Variants in LOX observed in about 807,000 individuals in gnomAD.
LOX encodes the protein protein-lysine 6-oxidase.
LOX carries 12 observed loss-of-function variants against 50.5 expected under a neutral mutation model. The ratio of observed to expected loss-of-function variants is 0.24; its 90% confidence interval spans 0.15 to 0.38. The LOEUF (loss-of-function observed/expected upper bound fraction) is 0.38. Ranked by LOEUF, LOX falls within the 10% of genes least tolerant of loss-of-function variation. The pLI, the probability that LOX is intolerant of heterozygous loss-of-function variation, is 1.00. For synonymous variants in LOX, 254 were observed against 230.6 expected (o/e 1.10, Z -0.92); for missense variants, 504 against 563.8 (o/e 0.89, Z 1.07).
rs1754239213 is a variant in LOX at position 122,064,157 on chromosome 5, T to A, written c.*2586A>T. The A allele has an allele frequency of 6.6e-6, 1 of 151,996 alleles. No individual in the cohort carries two copies. Among genetic ancestry groups the A allele is most frequent in the African/African-American group, 2.4e-5 (1 of 41,424 alleles). The allele number at this position is 151,996 out of a possible 1,614,324, so 9.4% of individuals were successfully genotyped here. On this transcript the variant is annotated 3_prime_UTR_variant, in exon 7 of 7. Transcript: ENST00000231004. The stretch of plus-strand genomic sequence containing the variant: ...GTAAAAGCCAATCTCCTGTCAGTAC[T>A]CAACATTCTTTTTATCATTGCCAGT...
rs770682980 is a variant in LOX at position 122,070,165 on chromosome 5, T to C, written c.1135A>G (p.Ser379Gly). ...GGAACCAGGTAGCTGGGGTTTACAC[T>C]GACCTGGGCAACACAAAGAGTTCCT... ...VKPGNYILKV[S>G]VNPSYLVPES... Residue 379 changes from serine (S) to glycine (G), a missense_variant, in exon 6 of 7, where the codon AGT becomes GGT. Physicochemically the swap from Ser to Gly is moderately conservative, Grantham distance 56. Transcript: ENST00000231004. 4 of 1,561,992 alleles carry C rather than the reference T, an allele frequency of 2.6e-6. No homozygotes were observed. In the South Asian group the frequency reaches 4.4e-5, roughly 17 times the overall value.
rs1366079534 is a variant in LOX at position 122,064,743 on chromosome 5, TGTGA to T, written c.*1996_*1999del. ...CTTTTTTATGTCTCAATGCATACCA[TGTGA>T]GTACTTGGCATATATTAGGCCTTCA... On this transcript the variant is annotated 3_prime_UTR_variant, in exon 7 of 7. Coordinates refer to ENST00000231004, the MANE Select transcript of LOX (RefSeq NM_002317.7). 1 of 151,938 alleles carries T rather than the reference TGTGA, an allele frequency of 6.6e-6. No homozygotes were observed. Among genetic ancestry groups the T allele is most frequent in the Admixed American group, 6.6e-5 (1 of 15,222 alleles). 9.4% of individuals were successfully genotyped at this position (151,938 alleles called of 1,614,324 possible). A position where few individuals can be genotyped will look rare whatever the true frequency, so the allele number is the denominator to read the frequency against.
At chr5:122,070,425 T>C (rs1754415826) in intron 5 of LOX, 69 bp downstream of exon 5, 4 of 838,630 alleles carry the variant, frequency 4.8e-6, no homozygotes, top group African/African-American at 3.4e-5. Context: ...TTATTTAACA[T>C]TTGAATCCAG....
At chr5:122,066,777 A>G (rs1000495294) in intron 6 of LOX, 28 bp from the exon 7 acceptor site, 3 of 1,454,114 alleles carry the variant, frequency 2.1e-6, no homozygotes, top group African/African-American at 1.4e-5. Context: ...AATAAGACAA[A>G]TTATTAACCT....
intron 4 of LOX, 72 bp downstream of exon 4, chr5:122,073,941 A>T: frequency 7.3e-7 from 1 of 1,368,160 alleles, no homozygotes; most frequent in Non-Finnish European, 1.0e-6. Flanking sequence ...AATGCTATTT[A>T]ATGCTAACTA....
chr5:122,073,629 T>C (rs1754520995), intron 4 of LOX, among the ~76,000 whole-genome samples: 1 of 152,148 alleles, frequency 6.6e-6, no homozygotes, highest in Admixed American at 6.5e-5. Context: ...CATTCAGACT[T>C]TTTCAGAGAG....
At chr5:122,069,151 T>G (rs1457777463) in intron 6 of LOX, among the ~76,000 whole-genome samples, 1 of 152,178 alleles carries the variant, frequency 6.6e-6, no homozygotes, top group Non-Finnish European at 1.5e-5. Context: ...GTCCTGGGTT[T>G]TTGTATCAGG....
Position 122,077,770 on chromosome 5 carries a change from C to G in LOX, c.216G>C (p.Pro72=), listed in dbSNP as rs753662323. The G allele has an allele frequency of 5.2e-6, 8 of 1,548,692 alleles. No individual in the cohort carries two copies. The highest frequency in any genetic ancestry group is 6.9e-6 in the Non-Finnish European group (8 of 1,151,618). Residue 72 remains proline (P), a synonymous_variant, in exon 1 of 7, where the codon CCG becomes CCC. Transcript: ENST00000231004. The surrounding 1 kb of genome is among the most constrained non-coding windows in gnomAD (Gnocchi z 4.9). The part of the protein sequence containing the change: ...SQYQPQRRRD[P]GAAVPGAANA... ...TGGCTGCACCAGGGACGGCGGCGCCCGGGTCCCGGCGGCGCTGAGGCTGGT... is the reference window on the plus strand; with the variant it reads ...TGGCTGCACCAGGGACGGCGGCGCCGGGGTCCCGGCGGCGCTGAGGCTGGT...
In LOX at chr5:122,066,891, A is replaced by G. The variant is rs983716479; in HGVS notation, c.1248-142T>C. 6 of 628,734 alleles carry G rather than the reference A, an allele frequency of 9.5e-6. No individual in the cohort carries two copies. In the African/African-American group the frequency reaches 1.1e-4, roughly 12 times the overall value. 38.9% of individuals were successfully genotyped at this position (628,734 alleles called of 1,614,324 possible). On this transcript the variant is annotated intron_variant, in intron 6 of 6. Coordinates refer to ENST00000231004, the MANE Select transcript of LOX (RefSeq NM_002317.7). ...TAAGCAGCAATCATGTTGTGAAATT[A>G]TGCAGTAGTACATCATTTTAATAAT...
Position 122,077,306 on chromosome 5 carries a change from G to C in LOX, c.631+49C>G. The C allele has an allele frequency of 1.9e-6, 3 of 1,611,048 alleles. No homozygotes were observed. Among genetic ancestry groups the C allele is most frequent in the Non-Finnish European group, 2.5e-6 (3 of 1,178,936 alleles). On this transcript the variant is annotated intron_variant, in intron 1 of 6. Transcript: ENST00000231004. This position sits in a 1 kb window ranked among gnomAD's most constrained non-coding sequence, Gnocchi z 4.9. ...GGCAGCCACGTCGAGAAGCCACATA[G>C]CTGGGGACCAGGTGCACGGGTGCTT...
At chr5:122,070,241 T>G in intron 5 of LOX, 73 bp from the exon 6 acceptor site, 1 of 878,848 alleles carries the variant, frequency 1.1e-6, no homozygotes, top group South Asian at 1.4e-5. Flanking sequence ...TAATGAGGAC[T>G]TAGCTAAATC....
chr5:122,069,712 C>G (rs897621821), intron 6 of LOX, among the ~76,000 whole-genome samples: 1 of 152,000 alleles, frequency 6.6e-6, no homozygotes, highest in South Asian at 2.1e-4. Context: ...GAGGAAGGGG[C>G]CAAGAAGCAA....
Position 122,064,669 on chromosome 5 carries a change from C to A in LOX, c.*2074G>T, listed in dbSNP as rs980843457. The A allele has an allele frequency of 6.6e-6, 1 of 151,570 alleles. No individual in the cohort carries two copies. Among genetic ancestry groups the A allele is most frequent in the Non-Finnish European group, 1.5e-5 (1 of 67,840 alleles). The allele number at this position is 151,570 out of a possible 1,614,324, so 9.4% of individuals were successfully genotyped here. On this transcript the variant is annotated 3_prime_UTR_variant, in exon 7 of 7. Coordinates refer to ENST00000231004, the MANE Select transcript of LOX (RefSeq NM_002317.7). ...TCCCTAAAAATGAAATAAGATGAAC[C>A]TTATGGGTAATAATGGGATTTTTAA...
At chr5:122,070,249 A>T in intron 5 of LOX, 81 bp from the exon 6 acceptor site, 1 of 830,486 alleles carries the variant, frequency 1.2e-6, no homozygotes, top group Admixed American at 1.9e-5. Context: ...ACTTAGCTAA[A>T]TCAAGCAGGG....
Position 122,063,370 on chromosome 5 carries a change from G to T in LOX, c.*3373C>A, listed in dbSNP as rs983946191. The T allele has an allele frequency of 1.3e-5, 2 of 151,814 alleles. No homozygotes were observed. The highest frequency in any genetic ancestry group is 4.1e-4 in the South Asian group (2 of 4,820). The allele number at this position is 151,814 out of a possible 1,614,324, so 9.4% of individuals were successfully genotyped here. A position where few individuals can be genotyped will look rare whatever the true frequency, so the allele number is the denominator to read the frequency against. On this transcript the variant is annotated 3_prime_UTR_variant, in exon 7 of 7. Transcript: ENST00000231004. ...TACAAATAACATTCCTGAAAAATTT[G>T]GGAGAAGCTAAAACTTCACTAAAAA...
intron 6 of LOX, chr5:122,069,826 T>G (rs1754399150): frequency 1.9e-6 from 1 of 516,818 alleles, no homozygotes. Context: ...TGTTTATGTC[T>G]TCTCCTGAAA....
At chr5:122,068,943 G>A (rs1754377653) in intron 6 of LOX, among the ~76,000 whole-genome samples, 1 of 151,944 alleles carries the variant, frequency 6.6e-6, no homozygotes, top group South Asian at 2.1e-4. Context: ...GGTGGGGGTC[G>A]GGGGTTGGTT....
At position 122,078,237 on chromosome 5, in the gene LOX, G is replaced by A. The variant is rs1754699893; in HGVS notation, c.-252C>T. On this transcript the variant is annotated 5_prime_UTR_variant, in exon 1 of 7. Coordinates refer to ENST00000231004, the MANE Select transcript of LOX (RefSeq NM_002317.7). ...GAAGGCAACGGGGAGCGGCGCGGCA[G>A]TCCCGGAGAGCGGGCAGTGTCTGGA... 4.9e-6 allele frequency: 2 copies of A among 407,902 alleles called. No homozygotes were observed. The highest frequency in any genetic ancestry group is 4.5e-5 in the Admixed American group (1 of 22,170). 25.3% of individuals were successfully genotyped at this position (407,902 alleles called of 1,614,324 possible).
chr5:122,071,405 T>C (rs1237275672), intron 4 of LOX, among the ~76,000 whole-genome samples: 1 of 152,106 alleles, frequency 6.6e-6, no homozygotes, highest in African/African-American at 2.4e-5. Context: ...CACTATACTC[T>C]CTCTCATACA....
Sources: gnomAD v4.1 joint callset for allele counts (sites outside exome capture counted in the v4.1 genomes callset) on GRCh38, gnomAD v4.1.1 for gene constraint, Gnocchi (gnomAD v3.1) non-coding constraint, MANE v1.5 for transcripts, NCBI Gene and HGNC (gene_info 2026-07-23, HGNC 2026-07-21) for gene names.